CAPNS1: variants seen among roughly 807,000 people sequenced by gnomAD.
CAPNS1 encodes calpain small subunit 1, also known as CANP small subunit.
CAPNS1 carries 32 observed loss-of-function variants against 39.2 expected under a neutral mutation model. The observed-to-expected ratio is 0.82, with a 90% CI of 0.62 to 1.10. The LOEUF is 1.10. CAPNS1 is among the 50% of genes least tolerant of loss of function. The pLI is 0.00. For missense variants in CAPNS1, 353 were observed against 373.1 expected, an observed-to-expected ratio of 0.95 and a Z score of 0.44; for synonymous variants, 153 against 136.2, an observed-to-expected ratio of 1.12 and a Z score of -0.86.
At chr19:36,146,133 C>G (rs1974557744) in intron 8 of CAPNS1, 63 bp from the exon 9 acceptor site, 1 of 1,585,184 alleles carries the variant, frequency 6.3e-7, no homozygotes, top group Non-Finnish European at 8.7e-7. Context: ...GGGCCTGACT[C>G]CTGGGCATGG....
At chr19:36,146,144 G>T in intron 8 of CAPNS1, 52 bp from the exon 9 acceptor site, 2 of 1,580,428 alleles carry the variant, frequency 1.3e-6, no homozygotes, top group Non-Finnish European at 1.7e-6. Flanking sequence ...CTGGGCATGG[G>T]AGTGGGTTGG....
At chr19:36,149,003 T>C (rs991113890) in intron 9 of CAPNS1, among the ~76,000 whole-genome samples, 1 of 151,796 alleles carries the variant, frequency 6.6e-6, no homozygotes, top group African/African-American at 2.4e-5. Flanking sequence ...GGAAGTAGAG[T>C]GTGCAGAGCC....
intron 2 of CAPNS1, 142 bp downstream of exon 2, chr19:36,141,362 C>T (rs1974367815): frequency 4.4e-6 from 6 of 1,357,398 alleles, no homozygotes; most frequent in Non-Finnish European, 5.7e-6. Flanking sequence ...CCGGGGAGGC[C>T]TGGTTTGAGA....
At chr19:36,141,252 T>G (rs770811254) in intron 2 of CAPNS1, 32 bp downstream of exon 2, 8 of 1,500,836 alleles carry the variant, frequency 5.3e-6, no homozygotes, top group Non-Finnish European at 4.4e-6. Context: ...GGGCGGGGCC[T>G]GGGAATGGGA....
chr19:36,149,780 C>T, intron 10 of CAPNS1, 33 bp from the exon 11 acceptor site: 2 of 1,569,690 alleles, frequency 1.3e-6, no homozygotes, highest in Non-Finnish European at 1.7e-6. Flanking sequence ...TCTTGGGGTT[C>T]CCTGTCCTCA....
intron 9 of CAPNS1, among the ~76,000 whole-genome samples, chr19:36,148,542 G>A (rs1352278600): frequency 6.7e-6 from 1 of 149,504 alleles, no homozygotes; most frequent in East Asian, 2.0e-4. Context: ...TGGGCATGGT[G>A]GCTCACTCCT....
intron 9 of CAPNS1, among the ~76,000 whole-genome samples, chr19:36,149,358 G>A (rs971109144): frequency 6.6e-6 from 1 of 152,068 alleles, no homozygotes; most frequent in African/African-American, 2.4e-5. Context: ...GAGCCACCAC[G>A]CCCAGCCTGT....
chr19:36,142,704 G>T lies in CAPNS1; in HGVS notation c.296G>T (p.Arg99Leu). 6.2e-7 allele frequency: 1 copy of T among 1,614,110 alleles called. No homozygotes were observed. The highest frequency in any genetic ancestry group is 8.5e-7 in the Non-Finnish European group (1 of 1,180,018). The change falls in exon 4 of 11, where the codon CGG (arginine) becomes CTG (leucine). Residue 99 changes from arginine (R) to leucine (L), a missense_variant. Arg to Leu is a moderately radical substitution (Grantham distance 102, BLOSUM62 -2). Transcript: ENST00000246533. Reference sequence around the variant, plus strand: ...GAGGCCAACGAGAGTGAGGAGGTCCGGCAGTTCCGGAGACTCTTTGCCCAG... The same window carrying T: ...GAGGCCAACGAGAGTGAGGAGGTCCTGCAGTTCCGGAGACTCTTTGCCCAG... ...NIEANESEEV[R>L]QFRRLFAQLA... is the part of the protein sequence containing the mutation.
In CAPNS1 at chr19:36,142,348, C is replaced by A; in HGVS notation, c.243+15C>A. 6.8e-7 allele frequency: 1 copy of A among 1,461,044 alleles called. No individual in the cohort carries two copies. Among genetic ancestry groups the A allele is most frequent in the Non-Finnish European group, 9.4e-7 (1 of 1,066,696 alleles). 90.5% of individuals were successfully genotyped at this position (1,461,044 alleles called of 1,614,324 possible). ...CGGAGCCCCCGGTAAGCCCCCTCTG[C>A]AACCAGACCCCCTTCTCCTGCCAAG... is the stretch of plus-strand genomic sequence containing the variant. On this transcript the variant is annotated intron_variant, in intron 3 of 10. Coordinates refer to ENST00000246533, the MANE Select transcript of CAPNS1 (RefSeq NM_001749.4).
At position 36,149,812 on chromosome 19, in the gene CAPNS1, G is replaced by T; in HGVS notation, c.781-1G>T. 1 of 1,508,758 alleles carries T rather than the reference G, an allele frequency of 6.6e-7. No homozygotes were observed. Among genetic ancestry groups the T allele is most frequent in the South Asian group, 1.3e-5 (1 of 76,308 alleles). 93.5% of individuals were successfully genotyped at this position (1,508,758 alleles called of 1,614,324 possible). ...CTCACTCTCCACCCTCCTCTCCCCA[G>T]TGGCTGCAGCTGACTATGTATTCCT... On this transcript the variant is annotated splice_acceptor_variant, in intron 10 of 10. Transcript: ENST00000246533. LOFTEE classifies it high-confidence loss of function.
chr19:36,141,495 A>C, intron 2 of CAPNS1: 2 of 1,239,324 alleles, frequency 1.6e-6, no homozygotes, highest in South Asian at 3.2e-5. Context: ...ACTGATGTGG[A>C]GTTTTGGCGG....
chr19:36,149,394 T>G (rs548324437), intron 9 of CAPNS1, among the ~76,000 whole-genome samples, 184 bp from the exon 10 acceptor site: 1 of 152,298 alleles, frequency 6.6e-6, no homozygotes, highest in South Asian at 2.1e-4. Flanking sequence ...GACACTTATC[T>G]CACAGAGTTG....
intron 9 of CAPNS1, among the ~76,000 whole-genome samples, chr19:36,148,577 G>A (rs986255008): frequency 1.5e-4 from 23 of 149,858 alleles, no homozygotes; most frequent in African/African-American, 5.7e-4. Context: ...TTGGGAGGCC[G>A]AGGTGGGCGG....
At chr19:36,141,378 G>T in intron 2 of CAPNS1, 158 bp downstream of exon 2, 9 of 1,347,352 alleles carry the variant, frequency 6.7e-6, no homozygotes, top group East Asian at 3.1e-5. Flanking sequence ...TGAGAGTTCT[G>T]CTGTAAGGGG....
chr19:36,143,778 G>A (rs1439635677), intron 6 of CAPNS1, among the ~76,000 whole-genome samples: 1 of 151,344 alleles, frequency 6.6e-6, no homozygotes, highest in African/African-American at 2.4e-5. Flanking sequence ...CAGGAGAATG[G>A]CGTGAACCCG....
At chr19:36,149,369 G>T (rs1230686481) in intron 9 of CAPNS1, among the ~76,000 whole-genome samples, 3 of 152,116 alleles carry the variant, frequency 2.0e-5, no homozygotes, top group Non-Finnish European at 4.4e-5. Context: ...CCCAGCCTGT[G>T]CCTCATTTTA....
chr19:36,142,257 GC>G, intron 2 of CAPNS1, 42 bp from the exon 3 acceptor site: 2 of 1,429,032 alleles, frequency 1.4e-6, no homozygotes, highest in Non-Finnish European at 9.9e-7. Flanking sequence ...CCCGTTGGAG[GC>G]CCCGCCCCTG....
intron 3 of CAPNS1, 61 bp downstream of exon 3, chr19:36,142,394 C>G (rs1974408667): frequency 5.8e-6 from 5 of 857,530 alleles, no homozygotes; most frequent in Non-Finnish European, 9.5e-6. Flanking sequence ...GGTCCCATCC[C>G]TGTTCCTGTA....
chr19:36,142,835 A>G, intron 4 of CAPNS1, 74 bp from the exon 5 acceptor site: 3 of 1,590,282 alleles, frequency 1.9e-6, no homozygotes, highest in East Asian at 4.5e-5. Context: ...TGACAATCCC[A>G]GTGTTCCCAT....
Sources: gnomAD v4.1 joint callset for allele counts (sites outside exome capture counted in the v4.1 genomes callset) on GRCh38, gnomAD v4.1.1 for gene constraint, MANE v1.5 for transcripts, NCBI Gene and HGNC (gene_info 2026-07-23, HGNC 2026-07-21) for gene names.